Variants in DKK2 observed in about 807,000 individuals in gnomAD.
DKK2 encodes dickkopf-related protein 2.
In DKK2, 11 loss-of-function variants were observed where a neutral mutation model predicts 28.1. The observed-to-expected ratio is 0.39, with a 90% CI of 0.25 to 0.65. The LOEUF (loss-of-function observed/expected upper bound fraction) is 0.65. Ranked by LOEUF, DKK2 falls within the 30% of genes least tolerant of loss-of-function variation. The pLI is 0.47. For synonymous variants in DKK2, 135 were observed against 126.5 expected (o/e 1.07, Z -0.45); for missense variants, 326 against 335.5 (o/e 0.97, Z 0.22).
chr4:106,951,086 C>CT, intron 1 of DKK2, among the ~76,000 whole-genome samples: 1 of 152,072 alleles, frequency 6.6e-6, no homozygotes, highest in South Asian at 2.1e-4. Flanking sequence ...TATTGACACA[C>CT]TTTTTTCAGT....
At position 106,921,990 on chromosome 4, in the gene DKK2, G is replaced by T. The variant is rs946851480; in HGVS notation, c.*1964C>A. Reference sequence around the variant, plus strand: ...TCAAATAATAATTTTTAAAAGGGTGGACATAAGAAAAATATTGCAGAAACC... The same window carrying T: ...TCAAATAATAATTTTTAAAAGGGTGTACATAAGAAAAATATTGCAGAAACC... On this transcript the variant is annotated 3_prime_UTR_variant, in exon 4 of 4. Coordinates refer to ENST00000285311, the MANE Select transcript of DKK2 (RefSeq NM_014421.3). The T allele has an allele frequency of 6.6e-6, 1 of 152,418 alleles. No individual in the cohort carries two copies. The highest frequency in any genetic ancestry group is 2.4e-5 in the African/African-American group (1 of 41,398). The allele number at this position is 152,418 out of a possible 1,614,324, so 9.4% of individuals were successfully genotyped here.
rs1174383401 is a variant in DKK2 at position 106,957,809 on chromosome 4, C to T, written c.223-31860G>A. ...AGGAGATATACCTAATGCTAAATGACGAGTTAATGGGTGCAGCACACCAGC... is the reference window on the plus strand; with the variant it reads ...AGGAGATATACCTAATGCTAAATGATGAGTTAATGGGTGCAGCACACCAGC... On this transcript the variant is annotated intron_variant, in intron 1 of 3. Transcript: ENST00000285311. Among the ~76,000 whole-genome samples, 12 of 146,354 alleles carry T rather than the reference C, an allele frequency of 8.2e-5. 1 individual carries two copies. Among genetic ancestry groups the T allele is most frequent in the South Asian group, 4.4e-4 (2 of 4,572 alleles).
intron 1 of DKK2, among the ~76,000 whole-genome samples, chr4:107,030,263 T>C (rs909932237): frequency 1.2e-4 from 19 of 152,188 alleles, no homozygotes; most frequent in Non-Finnish European, 2.9e-5. Flanking sequence ...GAGAAAAATA[T>C]GTTATTCTGC....
intron 1 of DKK2, among the ~76,000 whole-genome samples, chr4:106,926,884 G>A (rs960410173): frequency 2.0e-5 from 3 of 152,076 alleles, no homozygotes; most frequent in Admixed American, 6.6e-5. Flanking sequence ...TTGCCTCTTG[G>A]AAGTATTTGG....
At chr4:106,936,250 C>G (rs1034226828) in intron 1 of DKK2, among the ~76,000 whole-genome samples, 1 of 151,772 alleles carries the variant, frequency 6.6e-6, no homozygotes, top group Non-Finnish European at 1.5e-5. Context: ...ACTAGAATAA[C>G]CAATACAGAG....
intron 1 of DKK2, among the ~76,000 whole-genome samples, chr4:106,942,288 G>A (rs945887913): frequency 2.6e-5 from 4 of 152,082 alleles, no homozygotes; most frequent in Non-Finnish European, 5.9e-5. Context: ...CTGCTTTGGT[G>A]TGGTGACCAG....
At chr4:106,936,729 A>G (rs1285881311) in intron 1 of DKK2, among the ~76,000 whole-genome samples, 1 of 152,240 alleles carries the variant, frequency 6.6e-6, no homozygotes. Flanking sequence ...AGGTCGGGTT[A>G]CCCACAAAGG....
intron 1 of DKK2, among the ~76,000 whole-genome samples, chr4:106,982,470 C>G (rs576702278): frequency 1.3e-5 from 2 of 152,240 alleles, no homozygotes; most frequent in South Asian, 2.1e-4. Context: ...TGCTGGGTAC[C>G]TCGTATAACA....
At chr4:106,951,002 T>C (rs1044319034) in intron 1 of DKK2, among the ~76,000 whole-genome samples, 1 of 151,742 alleles carries the variant, frequency 6.6e-6, no homozygotes, top group Non-Finnish European at 1.5e-5. Context: ...GAAATGTATA[T>C]GGATTTTTTT....
chr4:106,946,418 AG>A (rs1016158105), intron 1 of DKK2, among the ~76,000 whole-genome samples: 1 of 152,058 alleles, frequency 6.6e-6, no homozygotes, highest in African/African-American at 2.4e-5. Flanking sequence ...AAACAAGATT[AG>A]CCATGAGTTA....
At position 107,010,218 on chromosome 4, in the gene DKK2, A is replaced by T. The variant is rs570569781; in HGVS notation, c.222+25152T>A. Among the ~76,000 whole-genome samples, 67 of 151,882 alleles carry T rather than the reference A, an allele frequency of 4.4e-4. 2 individuals carry two copies. In the South Asian group the frequency reaches 0.011, roughly 24 times the overall value. ...TGATTTTATTTAAATTACAAGCATGATTCTTGGTTGAAGCCTCATCAACTT... is the reference window on the plus strand; with the variant it reads ...TGATTTTATTTAAATTACAAGCATGTTTCTTGGTTGAAGCCTCATCAACTT... On this transcript the variant is annotated intron_variant, in intron 1 of 3. Transcript: ENST00000285311.
intron 1 of DKK2, among the ~76,000 whole-genome samples, chr4:106,999,761 A>C (rs948685647): frequency 1.3e-5 from 2 of 152,250 alleles, no homozygotes; most frequent in African/African-American, 4.8e-5. Context: ...AATAGATTTA[A>C]TTTAAAAATA....
chr4:106,922,926 G>A lies in DKK2; in HGVS notation c.*1028C>T, dbSNP rs563504135. The A allele has an allele frequency of 6.6e-6, 1 of 152,286 alleles. No homozygotes were observed. Among genetic ancestry groups the A allele is most frequent in the East Asian group, 1.9e-4 (1 of 5,178 alleles). 9.4% of individuals were successfully genotyped at this position (152,286 alleles called of 1,614,324 possible). On this transcript the variant is annotated 3_prime_UTR_variant, in exon 4 of 4. Coordinates refer to ENST00000285311, the MANE Select transcript of DKK2 (RefSeq NM_014421.3). The stretch of plus-strand genomic sequence containing the variant: ...TTCTTGCTTACTCCAGTGCAGTACA[G>A]ATCCAGCTCAAGTCTCTATTACCAC...
chr4:107,006,510 G>A (rs766399378), intron 1 of DKK2, among the ~76,000 whole-genome samples: 2 of 152,118 alleles, frequency 1.3e-5, no homozygotes, highest in Non-Finnish European at 2.9e-5. Flanking sequence ...TTGTTTGTCT[G>A]GGTTGAATTT....
chr4:107,035,530 A>G lies in DKK2; in HGVS notation c.62T>C (p.Leu21Pro). Reference protein sequence around the residue: ...SCCLLLLAAVLMVESSQIGSS... With the variant: ...SCCLLLLAAVPMVESSQIGSS... ...GCCGATCTGTGAGCTCTCCACCATC[A>G]GCACCGCGGCCAGTAGGAGCAGGCA... Residue 21 changes from leucine (L) to proline (P), a missense_variant, in exon 1 of 4, where the codon CTG (leucine) becomes CCG (proline). Physicochemically the swap from Leu to Pro is moderately conservative, Grantham distance 98. Transcript: ENST00000285311. 6.2e-7 allele frequency: 1 copy of G among 1,614,188 alleles called. No individual in the cohort carries two copies. Among genetic ancestry groups the G allele is most frequent in the Non-Finnish European group, 8.5e-7 (1 of 1,180,054 alleles).
chr4:106,996,651 C>T (rs1344123821), intron 1 of DKK2, among the ~76,000 whole-genome samples: 2 of 152,106 alleles, frequency 1.3e-5, no homozygotes, highest in African/African-American at 4.8e-5. Flanking sequence ...TGCTAGTCTA[C>T]AAACTAGCAG....
chr4:107,035,929 C>T lies in DKK2; in HGVS notation c.-338G>A. The T allele has an allele frequency of 2.9e-6, 1 of 339,194 alleles. No individual in the cohort carries two copies. Among genetic ancestry groups the T allele is most frequent in the Non-Finnish European group, 5.5e-6 (1 of 180,858 alleles). The allele number at this position is 339,194 out of a possible 1,614,324, so 21.0% of individuals were successfully genotyped here. On this transcript the variant is annotated 5_prime_UTR_variant, in exon 1 of 4. Coordinates refer to ENST00000285311, the MANE Select transcript of DKK2 (RefSeq NM_014421.3). ...GTGGATCGCACCGCTTCCGTTCCTT[C>T]TTGCCCCGCACCTCCTTGGTCCCGC...
chr4:107,006,452 G>A (rs550846338), intron 1 of DKK2, among the ~76,000 whole-genome samples: 1 of 152,084 alleles, frequency 6.6e-6, no homozygotes, highest in African/African-American at 2.4e-5. Context: ...CCTGGTTGTG[G>A]GAAAAAAGAA....
At chr4:107,031,428 G>C (rs1723873817) in intron 1 of DKK2, among the ~76,000 whole-genome samples, 1 of 151,956 alleles carries the variant, frequency 6.6e-6, no homozygotes, top group Non-Finnish European at 1.5e-5. Flanking sequence ...TAAAGAAAAT[G>C]CAGTCTACAA....
Sources: allele counts gnomAD v4.1 joint callset (sites outside exome capture counted in the v4.1 genomes callset), GRCh38; gene constraint gnomAD v4.1.1; transcripts MANE v1.5; gene names NCBI Gene and HGNC (gene_info 2026-07-23, HGNC 2026-07-21).